The following SP2 variants were observed in gnomAD, a reference collection of about 807,000 sequenced individuals.
The protein encoded by SP2 is Sp2 transcription factor, also known as transcription factor Sp2.
A neutral mutation model predicts 50.1 loss-of-function variants in SP2; 9 were observed. The ratio of observed to expected loss-of-function variants is 0.18; its 90% CI spans 0.11 to 0.31. The LOEUF (loss-of-function observed/expected upper bound fraction) is 0.31, where lower values mean the gene tolerates loss of function less well. Among genes scored for constraint, SP2 ranks in the 10% least tolerant of loss-of-function variants. The probability of loss-of-function intolerance (pLI) is 1.00; values close to 1 mark genes in which losing one functional copy is unlikely to be tolerated. For missense variants in SP2, 581 were observed against 806.5 expected (o/e 0.72, Z 3.39); for synonymous variants, 313 against 326.6 (o/e 0.96, Z 0.45).
intron 1 of SP2, among the ~76,000 whole-genome samples, chr17:47,900,725 C>T (rs1352454193): frequency 2.6e-5 from 4 of 152,120 alleles, no homozygotes; most frequent in African/African-American, 9.7e-5. Flanking sequence ...TGCAGTGAGC[C>T]GAGAGCGCAC....
downstream of SP2, chr17:47,929,595 C>T (rs2035777748): frequency 6.6e-6 from 1 of 152,666 alleles, no homozygotes. Context: ...TTGATTGTGC[C>T]TTTTGGTTTT....
chr17:47,923,335 C>G lies in SP2; in HGVS notation c.1372+61C>G. 3 of 1,407,436 alleles carry G rather than the reference C, an allele frequency of 2.1e-6. No homozygotes were observed. In the South Asian group the frequency reaches 3.8e-5, roughly 18 times the overall value. The allele number at this position is 1,407,436 out of a possible 1,614,324, so 87.2% of individuals were successfully genotyped here. On this transcript the variant is annotated intron_variant, in intron 4 of 6. Coordinates refer to ENST00000376741, the MANE Select transcript of SP2 (RefSeq NM_003110.6). ...GGTACCTGCTCCTAGCAGGTGGAAA[C>G]TATGGGCTGGCCCCGGGATTTCCAG... is the stretch of plus-strand genomic sequence containing the variant.
At chr17:47,910,433 A>G (rs912625266) in intron 1 of SP2, among the ~76,000 whole-genome samples, 1 of 152,216 alleles carries the variant, frequency 6.6e-6, no homozygotes, top group African/African-American at 2.4e-5. Context: ...GTGGTCTGAT[A>G]GTTTGAACAC....
chr17:47,918,773 G>A (rs888513754), intron 3 of SP2, among the ~76,000 whole-genome samples: 2 of 152,072 alleles, frequency 1.3e-5, no homozygotes, highest in African/African-American at 4.8e-5. Context: ...TAAAAAATTT[G>A]TATTCTATAT....
chr17:47,925,325 T>C (rs1208071294), intron 5 of SP2, 23 bp from the exon 6 acceptor site: 1 of 1,602,166 alleles, frequency 6.2e-7, no homozygotes, highest in Non-Finnish European at 8.5e-7. Context: ...TTCCCTCCAC[T>C]CCACCCTCAC....
rs767526658 is a variant in SP2, at chr17:47,916,518, G to A, written c.447G>A (p.Gln149=). 2 of 1,614,046 alleles carry A rather than the reference G, an allele frequency of 1.2e-6. No individual in the cohort carries two copies. The highest frequency in any genetic ancestry group is 4.5e-5 in the East Asian group (2 of 44,876). ...QASNSQTIQV[Q]PNLTNQIQII... ...GCAATTCCCAAACCATCCAAGTACA[G>A]CCCAATCTCACCAACCAGATCCAGA... is the stretch of plus-strand genomic sequence containing the variant. The change falls in exon 3 of 7, where the codon CAG becomes CAA. Residue 149 remains glutamine (Q), a synonymous_variant. Transcript: ENST00000376741. The surrounding 1 kb of genome is among the most constrained non-coding windows in gnomAD (Gnocchi z 4.7).
rs755066667 is a variant in SP2 at position 47,917,122 on chromosome 17, C to T, written c.1051C>T (p.Pro351Ser). 1 of 1,607,800 alleles carries T rather than the reference C, an allele frequency of 6.2e-7. No individual in the cohort carries two copies. The highest frequency in any genetic ancestry group is 8.5e-7 in the Non-Finnish European group (1 of 1,176,970). ...TCAGATCCAGGCAGCTGAGCCGACA[C>T]CTACTCAGGTACCACACTCCCTGTA... Reference protein sequence around the residue: ...NFQIQAAEPTPTQVYIRTPSG... With the variant: ...NFQIQAAEPTSTQVYIRTPSG... Residue 351 changes from proline to serine, a missense_variant, in exon 3 of 7, where the codon CCT becomes TCT. Transcript: ENST00000376741.
intron 1 of SP2, among the ~76,000 whole-genome samples, chr17:47,903,207 C>G: frequency 6.6e-6 from 1 of 152,220 alleles, no homozygotes. Flanking sequence ...TAGACAAAAT[C>G]AGCTAGGAAA....
chr17:47,912,063 C>G (rs1313419316), intron 1 of SP2, among the ~76,000 whole-genome samples: 1 of 152,138 alleles, frequency 6.6e-6, no homozygotes, highest in Non-Finnish European at 1.5e-5. Flanking sequence ...AATAAAATAC[C>G]TGGTGTATAC....
In SP2 at chr17:47,922,951, G is replaced by A. The variant is rs374059580; in HGVS notation, c.1060-11G>A. 66 of 1,588,596 alleles carry A rather than the reference G, an allele frequency of 4.2e-5. No homozygotes were observed. The highest frequency in any genetic ancestry group is 5.4e-5 in the Non-Finnish European group (63 of 1,165,912). Reference sequence around the variant, plus strand: ...TCCAGGCACTGATTTTTTTTCTCTGGCCCCTCCCAGGTCTACATCCGCACG... The same window carrying A: ...TCCAGGCACTGATTTTTTTTCTCTGACCCCTCCCAGGTCTACATCCGCACG... On this transcript the variant is annotated splice_polypyrimidine_tract_variant and intron_variant, in intron 3 of 6. Transcript: ENST00000376741.
At chr17:47,920,768 T>A in intron 3 of SP2, among the ~76,000 whole-genome samples, 1 of 152,206 alleles carries the variant, frequency 6.6e-6, no homozygotes, top group Admixed American at 6.5e-5. Context: ...TTCTTTTTTT[T>A]TATAAAATCA....
intron 1 of SP2, among the ~76,000 whole-genome samples, chr17:47,911,474 C>A (rs1177333087): frequency 6.7e-5 from 10 of 150,302 alleles, no homozygotes; most frequent in Non-Finnish European, 1.3e-4. Flanking sequence ...GATCATGCAC[C>A]CCAGCCTGGG....
chr17:47,923,258 C>T lies in SP2; in HGVS notation c.1356C>T (p.Thr452=). The T allele has an allele frequency of 1.2e-6, 2 of 1,603,718 alleles. No homozygotes were observed. The highest frequency in any genetic ancestry group is 1.7e-6 in the Non-Finnish European group (2 of 1,178,900). Residue 452 remains threonine, a synonymous_variant, in exon 4 of 7, where the codon ACC becomes ACT. Coordinates refer to ENST00000376741, the MANE Select transcript of SP2 (RefSeq NM_003110.6). ...NGVQVQGVPV[T]ITNTGGQQQL... Reference sequence around the variant, plus strand: ...TCCAGGTCCAGGGCGTGCCTGTCACCATCACCAACACAGGCGGTGAGGATG... The same window carrying T: ...TCCAGGTCCAGGGCGTGCCTGTCACTATCACCAACACAGGCGGTGAGGATG...
intron 1 of SP2, among the ~76,000 whole-genome samples, chr17:47,911,952 G>T (rs2035006811): frequency 6.6e-6 from 1 of 152,196 alleles, no homozygotes; most frequent in South Asian, 2.1e-4. Flanking sequence ...GTGGAGGCAT[G>T]CTCAGCTTAG....
chr17:47,927,923 C>A lies in SP2; in HGVS notation c.*99C>A. The A allele has an allele frequency of 1.4e-6, 1 of 713,446 alleles. No individual in the cohort carries two copies. Among genetic ancestry groups the A allele is most frequent in the South Asian group, 1.6e-5 (1 of 62,074 alleles). The allele number at this position is 713,446 out of a possible 1,614,324, so 44.2% of individuals were successfully genotyped here. ...GCCCTGTGGCTGCCTTGGGCCTGCC[C>A]TCAGCCCCACTCCTGTTCTGCAACT... is the stretch of plus-strand genomic sequence containing the variant. On this transcript the variant is annotated 3_prime_UTR_variant, in exon 7 of 7. Coordinates refer to ENST00000376741, the MANE Select transcript of SP2 (RefSeq NM_003110.6).
chr17:47,915,390 C>T lies in SP2; in HGVS notation c.84+2C>T, dbSNP rs544693705. On this transcript the variant is annotated splice_donor_variant, in intron 2 of 6. Coordinates refer to ENST00000376741, the MANE Select transcript of SP2 (RefSeq NM_003110.6). LOFTEE classifies it low-confidence loss of function (GC_TO_GT_DONOR). Reference sequence around the variant, plus strand: ...CAGCCTGCCGCCTCCACCACCCAGGCGAGTAGGCAGTGGGCTCCGAGGGCT... The same window carrying T: ...CAGCCTGCCGCCTCCACCACCCAGGTGAGTAGGCAGTGGGCTCCGAGGGCT... 3.0e-5 allele frequency: 49 copies of T among 1,610,020 alleles called. No individual in the cohort carries two copies. Among genetic ancestry groups the T allele is most frequent in the South Asian group, 1.1e-4 (10 of 90,808 alleles).
At chr17:47,897,799 CTT>C in intron 1 of SP2, 1 of 940,422 alleles carries the variant, frequency 1.1e-6, no homozygotes, top group African/African-American at 1.8e-5. Flanking sequence ...GTTTTAAATT[CTT>C]GTGTGCGATG....
intron 3 of SP2, among the ~76,000 whole-genome samples, chr17:47,921,985 T>C (rs528049740): frequency 6.6e-6 from 1 of 152,286 alleles, no homozygotes; most frequent in African/African-American, 2.4e-5. Flanking sequence ...TATACACACA[T>C]TTGAATCTAT....
chr17:47,923,620 C>T (rs1598166420), intron 4 of SP2, among the ~76,000 whole-genome samples: 2 of 152,346 alleles, frequency 1.3e-5, no homozygotes, highest in East Asian at 3.9e-4. Flanking sequence ...TTGTGCTGCA[C>T]TTCAGTTCAG....
Sources: gnomAD v4.1 joint callset for allele counts (sites outside exome capture counted in the v4.1 genomes callset) on GRCh38, gnomAD v4.1.1 for gene constraint, Gnocchi (gnomAD v3.1) non-coding constraint, MANE v1.5 for transcripts, NCBI Gene and HGNC (gene_info 2026-07-23, HGNC 2026-07-21) for gene names.